Variants in PRICKLE1 observed in about 807,000 individuals in gnomAD.
The protein encoded by PRICKLE1 is prickle-like protein 1.
PRICKLE1 carries 14 observed loss-of-function variants against 70.2 expected under a neutral mutation model. The observed-to-expected ratio is 0.20, with a 90% CI of 0.13 to 0.31. The LOEUF is 0.31. Ranked by LOEUF, PRICKLE1 falls within the 10% of genes least tolerant of loss-of-function variation. PRICKLE1 has a pLI of 1.00. For synonymous variants in PRICKLE1, 357 were observed against 379.9 expected (o/e 0.94, Z 0.70); for missense variants, 821 against 1,026.2 (o/e 0.80, Z 2.73).
intron 1 of PRICKLE1, among the ~76,000 whole-genome samples, chr12:42,481,266 C>A (rs11181519): frequency 6.6e-6 from 1 of 152,122 alleles, no homozygotes; most frequent in East Asian, 1.9e-4. Flanking sequence ...AAATCAAAAT[C>A]ATGCAAATAG....
chr12:42,514,186 C>T (rs957102079), intron 1 of PRICKLE1, among the ~76,000 whole-genome samples: 1 of 152,114 alleles, frequency 6.6e-6, no homozygotes, highest in Non-Finnish European at 1.5e-5. Context: ...GTATGGTATA[C>T]AAATACATCC....
chr12:42,481,527 C>G (rs889498786), intron 1 of PRICKLE1, among the ~76,000 whole-genome samples: 1 of 152,222 alleles, frequency 6.6e-6, no homozygotes, highest in Non-Finnish European at 1.5e-5. Flanking sequence ...GTGTCCCCTG[C>G]TGCTAAGTGC....
intron 1 of PRICKLE1, among the ~76,000 whole-genome samples, chr12:42,554,879 CTTA>C (rs1446228399): frequency 1.4e-5 from 2 of 147,724 alleles, no homozygotes; most frequent in Non-Finnish European, 3.0e-5. Flanking sequence ...TGGACTAGAA[CTTA>C]TTTTTTTTTT....
intron 1 of PRICKLE1, among the ~76,000 whole-genome samples, chr12:42,541,904 G>A (rs1464617662): frequency 6.6e-6 from 1 of 152,186 alleles, no homozygotes; most frequent in Non-Finnish European, 1.5e-5. Context: ...CTCCCCTCTA[G>A]CCATAGGGTT....
intron 1 of PRICKLE1, among the ~76,000 whole-genome samples, chr12:42,542,385 T>A (rs1335030998): frequency 2.0e-5 from 3 of 152,176 alleles, no homozygotes; most frequent in Non-Finnish European, 4.4e-5. Context: ...GCACGGTGAC[T>A]CATGCCTGTA....
At chr12:42,521,543 T>C (rs1939708345) in intron 1 of PRICKLE1, among the ~76,000 whole-genome samples, 1 of 151,734 alleles carries the variant, frequency 6.6e-6, no homozygotes, top group South Asian at 2.1e-4. Context: ...CTACAAAAAT[T>C]ACAAAAATTA....
intron 1 of PRICKLE1, among the ~76,000 whole-genome samples, chr12:42,487,303 C>T (rs1939007393): frequency 6.6e-6 from 1 of 152,170 alleles, no homozygotes; most frequent in Non-Finnish European, 1.5e-5. Context: ...GTGGCATCCC[C>T]AGGGAAGGGC....
At chr12:42,497,346 T>C (rs575003366) in intron 1 of PRICKLE1, among the ~76,000 whole-genome samples, 41 of 151,870 alleles carry the variant, frequency 2.7e-4, no homozygotes, top group East Asian at 7.8e-4. Flanking sequence ...GAGATCAAGA[T>C]CATCCTGGCT....
In PRICKLE1 at chr12:42,464,424, A is replaced by G; in HGVS notation, c.1610T>C (p.Met537Thr). Residue 537 changes from methionine (M) to threonine (T), a missense_variant, in exon 7 of 8, where the codon ATG (methionine) becomes ACG (threonine). Physicochemically the swap from Met to Thr is moderately conservative, Grantham distance 81. Coordinates refer to ENST00000345127, the MANE Select transcript of PRICKLE1 (RefSeq NM_153026.3). The surrounding 1 kb of genome is among the most constrained non-coding windows in gnomAD (Gnocchi z 4.2). ...GATATTGGACAATGCCAAAGAATCC[A>G]TCGAATCCCGAACACTTTGCTCTGG... is the stretch of plus-strand genomic sequence containing the variant. ...LKPEQSVRDSMDSLALSNITG... is the reference protein window; with the variant it reads ...LKPEQSVRDSTDSLALSNITG... The G allele has an allele frequency of 1.9e-6, 3 of 1,614,108 alleles. No homozygotes were observed. The highest frequency in any genetic ancestry group is 1.7e-5 in the Admixed American group (1 of 60,016).
At chr12:42,571,651 A>G (rs1027766094) in intron 1 of PRICKLE1, among the ~76,000 whole-genome samples, 2 of 152,192 alleles carry the variant, frequency 1.3e-5, no homozygotes, top group African/African-American at 2.4e-5. Flanking sequence ...AGGAGTATGA[A>G]CCCCTAAGAG....
rs137965947 is a variant in PRICKLE1, at chr12:42,499,863, A to T, written c.-48-27299T>A. Among the ~76,000 whole-genome samples, 670 of 151,998 alleles carry T rather than the reference A, an allele frequency of 4.4e-3. 8 individuals are homozygous for T. The highest frequency in any genetic ancestry group is 0.016 in the African/African-American group (648 of 41,468). On this transcript the variant is annotated intron_variant, in intron 1 of 7. Transcript: ENST00000345127. The stretch of plus-strand genomic sequence containing the variant: ...CTGCCTCAGTCTCCCAATTAGCTGG[A>T]ATTACAAGGGCCTGCCACCATGCCT...
chr12:42,584,697 A>G (rs1940957745), intron 1 of PRICKLE1, among the ~76,000 whole-genome samples: 1 of 152,230 alleles, frequency 6.6e-6, no homozygotes, highest in African/African-American at 2.4e-5. Flanking sequence ...CATGCCGCCA[A>G]TATTGTGTGT....
intron 1 of PRICKLE1, among the ~76,000 whole-genome samples, chr12:42,538,387 C>G (rs148985635): frequency 6.6e-6 from 1 of 152,230 alleles, no homozygotes; most frequent in East Asian, 1.9e-4. Context: ...AAACACAGTG[C>G]TTGTATTGTT....
At chr12:42,468,929 A>G in intron 4 of PRICKLE1, 100 bp from the exon 5 acceptor site, 2 of 1,249,732 alleles carry the variant, frequency 1.6e-6, no homozygotes, top group Non-Finnish European at 2.3e-6. Context: ...TCAGGAATGT[A>G]TTTATTTTTG....
chr12:42,492,006 A>G (rs1246950768), intron 1 of PRICKLE1, among the ~76,000 whole-genome samples: 11 of 151,742 alleles, frequency 7.2e-5, no homozygotes, highest in Admixed American at 7.2e-4. Context: ...GGCTGGTCTC[A>G]AACTCCTGAC....
chr12:42,547,313 TG>T (rs940206381), intron 1 of PRICKLE1, among the ~76,000 whole-genome samples: 2 of 152,214 alleles, frequency 1.3e-5, no homozygotes, highest in African/African-American at 4.8e-5. Flanking sequence ...TTAATAACCC[TG>T]GTATGCCATC....
At chr12:42,565,508 A>G (rs1940606781) in intron 1 of PRICKLE1, among the ~76,000 whole-genome samples, 1 of 152,208 alleles carries the variant, frequency 6.6e-6, no homozygotes. Flanking sequence ...CACTAAATAA[A>G]GCAGCATGAA....
rs879477032 is a variant in PRICKLE1 at position 42,464,032 on chromosome 12, ATT to A, written c.1639+361_1639+362del. Among the ~76,000 whole-genome samples the A allele has an allele frequency of 1.4e-5, 2 of 145,570 alleles. No homozygotes were observed. The highest frequency in any genetic ancestry group is 1.5e-5 in the Non-Finnish European group (1 of 65,828). On this transcript the variant is annotated intron_variant, in intron 7 of 7. Coordinates refer to ENST00000345127, the MANE Select transcript of PRICKLE1 (RefSeq NM_153026.3). The surrounding 1 kb of genome is among the most constrained non-coding windows in gnomAD (Gnocchi z 4.2). The stretch of plus-strand genomic sequence containing the variant: ...CAACTCCTACTCATGCTGAATTGCA[ATT>A]TTTTTTTTTTTTGAGATGGAGTCTT...
At chr12:42,494,805 T>A (rs1158371168) in intron 1 of PRICKLE1, among the ~76,000 whole-genome samples, 6 of 141,630 alleles carry the variant, frequency 4.2e-5, no homozygotes, top group African/African-American at 1.6e-4. Context: ...AGACTCTGTC[T>A]CTAAAAAAAA....
Sources: allele counts gnomAD v4.1 joint callset (sites outside exome capture counted in the v4.1 genomes callset), GRCh38; gene constraint gnomAD v4.1.1; non-coding constraint Gnocchi (gnomAD v3.1); transcripts MANE v1.5; gene names NCBI Gene and HGNC (gene_info 2026-07-23, HGNC 2026-07-21).